GAB2: variants seen among roughly 807,000 people sequenced by gnomAD.
GAB2 encodes GRB2 associated binding protein 2.
Under a neutral mutation model 65.5 loss-of-function variants are expected in GAB2, and 26 were observed. The ratio of observed to expected loss-of-function variants is 0.40; its 90% CI spans 0.29 to 0.55. The LOEUF (loss-of-function observed/expected upper bound fraction) is 0.55, where lower values mean the gene tolerates loss of function less well. GAB2 is among the 20% of genes least tolerant of loss of function. GAB2 has a pLI of 0.53. For missense variants in GAB2, 884 were observed against 875.8 expected (o/e 1.01, Z -0.12); for synonymous variants, 321 against 329.6 (o/e 0.97, Z 0.28).
At chr11:78,369,219 A>T (rs1856537238) in intron 1 of GAB2, among the ~76,000 whole-genome samples, 1 of 151,822 alleles carries the variant, frequency 6.6e-6, no homozygotes, top group South Asian at 2.1e-4. Flanking sequence ...TCTCCAGTTC[A>T]TTGTATTAAT....
intron 1 of GAB2, chr11:78,341,710 A>C (rs1425698913): frequency 1.0e-6 from 1 of 963,984 alleles, no homozygotes; most frequent in Non-Finnish European, 1.2e-6. Context: ...ACAAATATTC[A>C]GAACCTGCTA....
At chr11:78,324,172 G>A (rs1855781123) in intron 1 of GAB2, among the ~76,000 whole-genome samples, 2 of 151,970 alleles carry the variant, frequency 1.3e-5, no homozygotes, top group African/African-American at 2.4e-5. Flanking sequence ...TGAGGTCACT[G>A]GCCATAAGTA....
At chr11:78,283,974 A>G (rs548890647) in intron 1 of GAB2, among the ~76,000 whole-genome samples, 110 of 151,810 alleles carry the variant, frequency 7.2e-4, no homozygotes, top group African/African-American at 2.6e-3. Context: ...TCCCAAATTT[A>G]TATCTCTAGC....
chr11:78,346,089 C>T (rs1218293439), intron 1 of GAB2, among the ~76,000 whole-genome samples: 2 of 152,148 alleles, frequency 1.3e-5, no homozygotes, highest in Admixed American at 6.6e-5. Context: ...AGTTTGCTTA[C>T]AGAGACCCAG....
chr11:78,369,268 C>A (rs1856537796), intron 1 of GAB2, among the ~76,000 whole-genome samples: 1 of 152,080 alleles, frequency 6.6e-6, no homozygotes, highest in Non-Finnish European at 1.5e-5. Flanking sequence ...GTCACCCTGT[C>A]TTCAAAATAT....
intron 1 of GAB2, among the ~76,000 whole-genome samples, chr11:78,345,260 T>C (rs60958629): frequency 3.7e-4 from 57 of 152,232 alleles, no homozygotes; most frequent in African/African-American, 1.2e-3. Flanking sequence ...GCCTGAGCAA[T>C]GGGAATGAAA....
At chr11:78,351,322 G>A (rs879455567) in intron 1 of GAB2, among the ~76,000 whole-genome samples, 163 of 151,768 alleles carry the variant, frequency 1.1e-3, no homozygotes, top group East Asian at 5.8e-4. Context: ...GCATAACATA[G>A]AAGTAAAAGC....
chr11:78,343,681 A>G (rs1478924771), intron 1 of GAB2, among the ~76,000 whole-genome samples: 3 of 152,210 alleles, frequency 2.0e-5, no homozygotes, highest in Non-Finnish European at 2.9e-5. Context: ...ATACAAATGT[A>G]GCGTGAGGCA....
intron 3 of GAB2, among the ~76,000 whole-genome samples, chr11:78,238,069 A>G (rs1235634458): frequency 1.3e-5 from 2 of 152,178 alleles, no homozygotes; most frequent in African/African-American, 4.8e-5. Flanking sequence ...AAGAATAGCT[A>G]ATGCATGTTG....
Position 78,376,904 on chromosome 11 carries a change from G to C in GAB2, c.75+40742C>G, listed in dbSNP as rs112135058. ...GGTGGGGCTTGGTGGAAGGTGTTTA[G>C]ATCATGGGAGTGGATCCCTCATGGC... On this transcript the variant is annotated intron_variant, in intron 1 of 9. Coordinates refer to ENST00000361507, the MANE Select transcript of GAB2 (RefSeq NM_080491.3). Among the ~76,000 whole-genome samples the C allele has an allele frequency of 7.8e-3, 1,188 of 152,322 alleles. 13 individuals are homozygous for C. Among genetic ancestry groups the C allele is most frequent in the African/African-American group, 0.027 (1,131 of 41,562 alleles).
chr11:78,314,900 T>C (rs1855570467), intron 1 of GAB2, among the ~76,000 whole-genome samples: 1 of 152,072 alleles, frequency 6.6e-6, no homozygotes, highest in South Asian at 2.1e-4. Flanking sequence ...CCATGGCACA[T>C]TAAAGGTAAA....
chr11:78,316,231 C>A (rs561779165), intron 1 of GAB2, among the ~76,000 whole-genome samples: 47 of 152,080 alleles, frequency 3.1e-4, no homozygotes, highest in Non-Finnish European at 6.3e-4. Context: ...GAGCCACTAC[C>A]GGCTTCTCTC....
At chr11:78,228,653 C>T (rs1864755731) in intron 3 of GAB2, among the ~76,000 whole-genome samples, 1 of 152,138 alleles carries the variant, frequency 6.6e-6, no homozygotes, top group Non-Finnish European at 1.5e-5. Flanking sequence ...AAACTGTACC[C>T]ACCATGATGG....
chr11:78,381,942 G>A (rs953198875), intron 1 of GAB2, among the ~76,000 whole-genome samples: 3 of 152,204 alleles, frequency 2.0e-5, no homozygotes, highest in Non-Finnish European at 4.4e-5. Flanking sequence ...CTTAGCATAT[G>A]AGAATCTTCA....
chr11:78,268,925 C>A (rs1390452211), intron 2 of GAB2, among the ~76,000 whole-genome samples: 1 of 152,054 alleles, frequency 6.6e-6, no homozygotes, highest in Non-Finnish European at 1.5e-5. Flanking sequence ...TGTCTGAACT[C>A]ACGGCCTGTT....
At position 78,227,000 on chromosome 11, in the gene GAB2, G is replaced by A; in HGVS notation, c.672C>T (p.Asp224=). 6.2e-7 allele frequency: 1 copy of A among 1,613,596 alleles called. No homozygotes were observed. The highest frequency in any genetic ancestry group is 8.5e-7 in the Non-Finnish European group (1 of 1,179,862). ...CCTGGGCAAGTTTTTGTACAGCTGT[G>A]TCACTCCTCATGAGAAAAGAGGCTC... ...GTRASFLMRS[D]TAVQKLAQGN... The change falls in exon 4 of 10, where the codon GAC becomes GAT. Residue 224 remains aspartate, a synonymous_variant. Transcript: ENST00000361507.
chr11:78,273,240 T>A (rs76069219), intron 2 of GAB2, among the ~76,000 whole-genome samples: 1 of 152,212 alleles, frequency 6.6e-6, no homozygotes, highest in Non-Finnish European at 1.5e-5. Context: ...GTAGATCCAC[T>A]GACAGCTTGC....
chr11:78,287,233 G>A (rs772734297), intron 1 of GAB2, among the ~76,000 whole-genome samples: 5 of 152,182 alleles, frequency 3.3e-5, no homozygotes, highest in African/African-American at 9.6e-5. Flanking sequence ...TCTTCAACTT[G>A]AAAAAGAGCA....
intron 1 of GAB2, among the ~76,000 whole-genome samples, chr11:78,408,384 A>G (rs1032637613): frequency 6.6e-6 from 1 of 152,238 alleles, no homozygotes; most frequent in Non-Finnish European, 1.5e-5. Context: ...CCACTAAAAA[A>G]GCTGTATAGA....
Sources: gnomAD v4.1 joint callset for allele counts (sites outside exome capture counted in the v4.1 genomes callset) on GRCh38, gnomAD v4.1.1 for gene constraint, MANE v1.5 for transcripts, NCBI Gene and HGNC (gene_info 2026-07-23, HGNC 2026-07-21) for gene names.